The following GSE1 variants were observed in gnomAD, a reference collection of about 807,000 sequenced individuals.
GSE1 encodes genetic suppressor element 1.
A neutral mutation model predicts 112.6 loss-of-function variants in GSE1; 32 were observed. That is an observed-to-expected ratio of 0.28 (90% CI 0.21 to 0.38). The LOEUF is 0.38. Among genes scored for constraint, GSE1 ranks in the 10% least tolerant of loss-of-function variants. The probability of loss-of-function intolerance (pLI) is 1.00; values close to 1 mark genes in which losing one functional copy is unlikely to be tolerated. For synonymous variants in GSE1, 1,115 were observed against 735.6 expected, an observed-to-expected ratio of 1.52 and a Z score of -8.35; for missense variants, 2,348 against 1,699.2, an observed-to-expected ratio of 1.38 and a Z score of -6.71.
chr16:85,461,098 G>A (rs1266552070), intron 2 of GSE1, among the ~76,000 whole-genome samples: 1 of 152,238 alleles, frequency 6.6e-6, no homozygotes, highest in Non-Finnish European at 1.5e-5. Flanking sequence ...GGCAAGCCCT[G>A]AGCTGGGCGC....
intron 2 of GSE1, among the ~76,000 whole-genome samples, chr16:85,444,596 C>T (rs1302235707): frequency 1.3e-5 from 2 of 152,142 alleles, no homozygotes; most frequent in Admixed American, 6.5e-5. Context: ...CTTGGCAGTG[C>T]CCTGGTTGCA....
chr16:85,662,599 C>T (rs1598666489), intron 9 of GSE1: 2 of 200,576 alleles, frequency 1.0e-5, no homozygotes, highest in Admixed American at 5.6e-5. Flanking sequence ...TGCCTGTCTC[C>T]TCCCAGGAGA....
intron 2 of GSE1, among the ~76,000 whole-genome samples, chr16:85,364,110 G>A (rs1036141848): frequency 6.6e-6 from 1 of 152,242 alleles, no homozygotes; most frequent in Non-Finnish European, 1.5e-5. Context: ...TGTGGGCAGG[G>A]CCTGTTCCTT....
chr16:85,493,651 G>A (rs1000784430), intron 2 of GSE1, among the ~76,000 whole-genome samples: 2 of 152,146 alleles, frequency 1.3e-5, no homozygotes, highest in Non-Finnish European at 2.9e-5. Context: ...TACTTGGGAG[G>A]CTGAGGCAGG....
chr16:85,531,115 G>A (rs746541259), intron 2 of GSE1, among the ~76,000 whole-genome samples: 1 of 152,246 alleles, frequency 6.6e-6, no homozygotes, highest in Non-Finnish European at 1.5e-5. Context: ...CTCAGTGCAG[G>A]AGCTTTATTT....
rs117176712 is a variant in GSE1, at chr16:85,228,770, G to C, written c.2283+56963G>C. Reference sequence around the variant, plus strand: ...AGGGCCAGCGGTGACATATGCTTGAGCCCAGAAGACCAGTTGGCAGAAAGC... The same window carrying C: ...AGGGCCAGCGGTGACATATGCTTGACCCCAGAAGACCAGTTGGCAGAAAGC... On this transcript the variant is annotated intron_variant, in intron 1 of 2. Coordinates refer to the GSE1 transcript ENST00000637419. Among the ~76,000 whole-genome samples, 1,387 of 152,288 alleles carry C rather than the reference G, an allele frequency of 9.1e-3. 10 individuals carry two copies. Among genetic ancestry groups the C allele is most frequent in the Non-Finnish European group, 0.016 (1,066 of 68,010 alleles).
At chr16:85,658,013 T>C (rs2052115119) in intron 8 of GSE1, among the ~76,000 whole-genome samples, 1 of 152,242 alleles carries the variant, frequency 6.6e-6, no homozygotes, top group Non-Finnish European at 1.5e-5. Context: ...AGGGGACAGC[T>C]TTTGATTTTA....
At chr16:85,462,989 C>A in intron 2 of GSE1, 2 of 441,654 alleles carry the variant, frequency 4.5e-6, no homozygotes, top group Non-Finnish European at 6.0e-6. Context: ...CTTCTGCCGC[C>A]CCGTGACGCC....
chr16:85,174,608 T>C (rs1458400405), intron 1 of GSE1, among the ~76,000 whole-genome samples: 1 of 152,216 alleles, frequency 6.6e-6, no homozygotes, highest in Non-Finnish European at 1.5e-5. Flanking sequence ...GCTGGGGATC[T>C]GGTGGCAAGC....
intron 1 of GSE1, among the ~76,000 whole-genome samples, chr16:85,563,419 C>T (rs1353698565): frequency 1.3e-5 from 2 of 152,194 alleles, no homozygotes; most frequent in East Asian, 3.8e-4. Flanking sequence ...CATGCCAGGC[C>T]CTCCGCAGCT....
chr16:85,624,239 C>T (rs1215243335), intron 1 of GSE1, among the ~76,000 whole-genome samples: 1 of 152,194 alleles, frequency 6.6e-6, no homozygotes, highest in Non-Finnish European at 1.5e-5. Flanking sequence ...TGCCTGGACA[C>T]CTTGGACCTC....
intron 2 of GSE1, among the ~76,000 whole-genome samples, chr16:85,512,116 C>T (rs1401308712): frequency 5.3e-5 from 8 of 152,140 alleles, no homozygotes. Flanking sequence ...GTGTAAGGAG[C>T]ACTGTTCTGC....
chr16:85,601,573 G>T (rs1392405646), intron 1 of GSE1, among the ~76,000 whole-genome samples: 1 of 152,156 alleles, frequency 6.6e-6, no homozygotes, highest in Non-Finnish European at 1.5e-5. Flanking sequence ...TTCAGCGCGG[G>T]GCCGGCAGAC....
chr16:85,224,067 G>A (rs2143775896), intron 1 of GSE1, among the ~76,000 whole-genome samples: 1 of 152,076 alleles, frequency 6.6e-6, no homozygotes, highest in East Asian at 1.9e-4. Context: ...TGGAGGCAGA[G>A]ACACTTCCTC....
At chr16:85,190,472 A>G (rs2074798031) in intron 1 of GSE1, among the ~76,000 whole-genome samples, 3 of 152,262 alleles carry the variant, frequency 2.0e-5, no homozygotes, top group African/African-American at 7.2e-5. Context: ...AGTATGGTTT[A>G]TCCATAACCT....
At chr16:85,316,959 A>T (rs1451977802) in intron 1 of GSE1, among the ~76,000 whole-genome samples, 1 of 152,028 alleles carries the variant, frequency 6.6e-6, no homozygotes, top group Non-Finnish European at 1.5e-5. Context: ...CTTTTGGGGA[A>T]CCCACCTCTG....
intron 1 of GSE1, among the ~76,000 whole-genome samples, chr16:85,614,824 CAAAA>C (rs566515424): frequency 6.6e-6 from 1 of 152,178 alleles, no homozygotes; most frequent in Non-Finnish European, 1.5e-5. Flanking sequence ...GGTTTGGAAA[CAAAA>C]AGCGGGGCCA....
rs764220842 is a variant in GSE1 at position 85,673,427 on chromosome 16, G to GTTTGT, written c.*892_*896dup. 2 of 131,484 alleles carry GTTTGT rather than the reference G, an allele frequency of 1.5e-5. No homozygotes were observed. The highest frequency in any genetic ancestry group is 7.6e-5 in the Admixed American group (1 of 13,194). 8.1% of individuals were successfully genotyped at this position (131,484 alleles called of 1,614,324 possible). On this transcript the variant is annotated 3_prime_UTR_variant, in exon 16 of 16. Transcript: ENST00000253458. ...TTAATATGTGGTTTGGGGGATTTTT[G>GTTTGT]TTTGTTTTTCCTGTTTGGGGGTTTT...
chr16:85,339,248 C>A (rs2046571619), intron 1 of GSE1, among the ~76,000 whole-genome samples: 1 of 152,164 alleles, frequency 6.6e-6, no homozygotes, highest in Non-Finnish European at 1.5e-5. Context: ...TAGAGTCCAC[C>A]TGGGCGTGGA....
Sources: gnomAD v4.1 joint callset for allele counts (sites outside exome capture counted in the v4.1 genomes callset) on GRCh38, gnomAD v4.1.1 for gene constraint, MANE v1.5 for transcripts, NCBI Gene and HGNC (gene_info 2026-07-23, HGNC 2026-07-21) for gene names.